COL4A1: variants seen among roughly 807,000 people sequenced by gnomAD.
The protein encoded by COL4A1 is collagen type IV alpha 1 chain.
A neutral mutation model predicts 216.6 loss-of-function variants in COL4A1; 40 were observed. That is an observed-to-expected ratio of 0.18 (90% CI 0.14 to 0.24). The LOEUF is 0.24. Ranked by LOEUF, COL4A1 falls within the 10% of genes least tolerant of loss-of-function variation. COL4A1 has a pLI of 1.00. For synonymous variants in COL4A1, 839 were observed against 810.7 expected (o/e 1.03, Z -0.59); for missense variants, 1,628 against 2,196.8 (o/e 0.74, Z 5.18).
At chr13:110,161,450 C>T (rs755166890) in intron 48 of COL4A1, 81 bp from the exon 49 acceptor site, 2 of 1,456,556 alleles carry the variant, frequency 1.4e-6, no homozygotes, top group Non-Finnish European at 1.9e-6. Flanking sequence ...TTCAGCTGGA[C>T]AACAAGCAAA....
chr13:110,275,837 AAG>A (rs1265725929), intron 1 of COL4A1, among the ~76,000 whole-genome samples: 1 of 152,170 alleles, frequency 6.6e-6, no homozygotes, highest in East Asian at 1.9e-4. Context: ...AGACAACTAT[AAG>A]AGAGTCTGGA....
chr13:110,276,215 A>T (rs766946334), intron 1 of COL4A1, among the ~76,000 whole-genome samples: 12 of 152,178 alleles, frequency 7.9e-5, no homozygotes, highest in Non-Finnish European at 1.3e-4. Flanking sequence ...CTGTGAACCT[A>T]AACTTGCTCT....
At chr13:110,252,283 C>T (rs1258486343) in intron 1 of COL4A1, among the ~76,000 whole-genome samples, 1 of 151,682 alleles carries the variant, frequency 6.6e-6, no homozygotes, top group Non-Finnish European at 1.5e-5. Flanking sequence ...CTCAGCCTCC[C>T]GAAGCACTGG....
At chr13:110,170,303 C>T (rs889882280) in intron 42 of COL4A1, among the ~76,000 whole-genome samples, 25 of 152,234 alleles carry the variant, frequency 1.6e-4, no homozygotes, top group East Asian at 9.7e-4. Context: ...CGACGGGGCA[C>T]GAGTCCAGGC....
intron 20 of COL4A1, among the ~76,000 whole-genome samples, chr13:110,199,633 G>A (rs1879080785): frequency 6.6e-6 from 1 of 152,218 alleles, no homozygotes; most frequent in Non-Finnish European, 1.5e-5. Flanking sequence ...CAGGGAGCTG[G>A]GGGCGGGCAG....
Position 110,192,338 on chromosome 13 carries a change from T to C in COL4A1, c.1466-54A>G, listed in dbSNP as rs966312034. On this transcript the variant is annotated intron_variant, in intron 23 of 51. Coordinates refer to ENST00000375820, the MANE Select transcript of COL4A1 (RefSeq NM_001845.6). ...CAACACAGCATTCATGAGACACTTC[T>C]CAAAACCTTTTCTTAAGACTCAAAA... The C allele has an allele frequency of 5.2e-6, 8 of 1,530,264 alleles. No individual in the cohort carries two copies. The African/African-American group carries it at 1.1e-4, about 21-fold the overall frequency. The allele number at this position is 1,530,264 out of a possible 1,614,324, so 94.8% of individuals were successfully genotyped here. A position where few individuals can be genotyped will look rare whatever the true frequency, so the allele number is the denominator to read the frequency against.
chr13:110,268,161 T>C lies in COL4A1; in HGVS notation c.85-25427A>G, dbSNP rs983696483. ...CACTGGCCTCAGTCAACCCCTAGCA[T>C]ATAAAGACAAGGGGCCAGGTTCAGC... On this transcript the variant is annotated intron_variant, in intron 1 of 51. Coordinates refer to ENST00000375820, the MANE Select transcript of COL4A1 (RefSeq NM_001845.6). This position sits in a 1 kb window ranked among gnomAD's most constrained non-coding sequence, Gnocchi z 4.1. Among the ~76,000 whole-genome samples, 1 of 152,152 alleles carries C rather than the reference T, an allele frequency of 6.6e-6. No individual in the cohort carries two copies. Among genetic ancestry groups the C allele is most frequent in the African/African-American group, 2.4e-5 (1 of 41,440 alleles).
At chr13:110,152,269 G>A (rs1374882859) in intron 51 of COL4A1, 65 bp downstream of exon 51, 19 of 1,600,878 alleles carry the variant, frequency 1.2e-5, no homozygotes, top group Middle Eastern at 1.7e-4. Flanking sequence ...TACGGATCGC[G>A]GATGATTAAA....
In COL4A1 at chr13:110,174,397, G is replaced by A. The variant is rs536544768; in HGVS notation, c.3406+49C>T. The stretch of plus-strand genomic sequence containing the variant: ...ACTCCTTGGGGCCTCCCATCCCCTG[G>A]CCACTGTTCTCTATGTGCCCGGGCT... On this transcript the variant is annotated intron_variant, in intron 39 of 51. Coordinates refer to ENST00000375820, the MANE Select transcript of COL4A1 (RefSeq NM_001845.6). 16 of 1,602,450 alleles carry A rather than the reference G, an allele frequency of 1.0e-5. No individual in the cohort carries two copies. In the Admixed American group the frequency reaches 2.3e-4, roughly 23 times the overall value.
At chr13:110,163,959 G>A (rs116018908) in intron 46 of COL4A1, among the ~76,000 whole-genome samples, 2,289 of 140,264 alleles carry the variant, frequency 0.016, 51 homozygotes, top group East Asian at 0.082. Context: ...TACATAGCTT[G>A]TTCTTCTTCT....
At chr13:110,170,079 A>C (rs1315891622) in intron 42 of COL4A1, among the ~76,000 whole-genome samples, 1 of 63,612 alleles carries the variant, frequency 1.6e-5, no homozygotes, top group Admixed American at 2.0e-4. Context: ...AGGGGAGGGG[A>C]GGGGAAGGAG....
intron 1 of COL4A1, chr13:110,265,332 A>G (rs900108546): frequency 6.6e-6 from 1 of 152,246 alleles, no homozygotes; most frequent in Non-Finnish European, 1.5e-5. Flanking sequence ...AAGCCAGAAA[A>G]GGTGTGGGGT....
In COL4A1 at chr13:110,207,390, A is replaced by C. The variant is rs200385400; in HGVS notation, c.780+13T>G. 6.2e-7 allele frequency: 1 copy of C among 1,602,684 alleles called. No individual in the cohort carries two copies. The highest frequency in any genetic ancestry group is 2.2e-5 in the East Asian group (1 of 44,796). ...TTAGAAAATCAGTATTCACTGATGAAGCCCACTCATACCTTTTCTCCCTTG... is the reference window on the plus strand; with the variant it reads ...TTAGAAAATCAGTATTCACTGATGACGCCCACTCATACCTTTTCTCCCTTG... On this transcript the variant is annotated intron_variant, in intron 13 of 51. Transcript: ENST00000375820. This position sits in a 1 kb window ranked among gnomAD's most constrained non-coding sequence, Gnocchi z 4.4.
intron 1 of COL4A1, among the ~76,000 whole-genome samples, chr13:110,264,167 C>G (rs901117280): frequency 2.0e-5 from 3 of 152,184 alleles, no homozygotes; most frequent in Admixed American, 6.5e-5. Context: ...ACACCCACCC[C>G]TCAGGAGTCC....
At chr13:110,199,079 G>T (rs752060373) in intron 20 of COL4A1, among the ~76,000 whole-genome samples, 2 of 152,236 alleles carry the variant, frequency 1.3e-5, no homozygotes, top group Non-Finnish European at 2.9e-5. Flanking sequence ...AGATGGTTCT[G>T]TAAAAGGGTT....
chr13:110,205,619 T>G (rs180719919), intron 15 of COL4A1, 81 bp from the exon 16 acceptor site: 1 of 1,493,848 alleles, frequency 6.7e-7, no homozygotes, highest in East Asian at 2.3e-5. Context: ...TCCCAGCACT[T>G]TGGGAGGCCG....
chr13:110,273,376 T>A (rs1233295555), intron 1 of COL4A1, among the ~76,000 whole-genome samples: 1 of 152,232 alleles, frequency 6.6e-6, no homozygotes. Context: ...GCTGAGTGCA[T>A]CTTAGACCAC....
intron 2 of COL4A1, among the ~76,000 whole-genome samples, chr13:110,219,878 GTATATATA>G (rs1175003464): frequency 2.3e-5 from 2 of 87,062 alleles, no homozygotes; most frequent in African/African-American, 9.9e-5. Context: ...GTGTATATAT[GTATATATA>G]TGTGTGTATA....
At chr13:110,280,815 CCTTT>C (rs1883601007) in intron 1 of COL4A1, among the ~76,000 whole-genome samples, 1 of 152,032 alleles carries the variant, frequency 6.6e-6, no homozygotes, top group Non-Finnish European at 1.5e-5. Flanking sequence ...AGACCTAGAG[CCTTT>C]CTTATATTCT....
Sources: gnomAD v4.1 joint callset for allele counts (sites outside exome capture counted in the v4.1 genomes callset) on GRCh38, gnomAD v4.1.1 for gene constraint, Gnocchi (gnomAD v3.1) non-coding constraint, MANE v1.5 for transcripts, NCBI Gene and HGNC (gene_info 2026-07-23, HGNC 2026-07-21) for gene names.